The following TBCK variants were observed in gnomAD, a reference collection of about 807,000 sequenced individuals.
TBCK encodes the protein TBC1 domain containing kinase.
A neutral mutation model predicts 113.4 loss-of-function variants in TBCK; 99 were observed. The ratio of observed to expected loss-of-function variants is 0.87; its 90% CI spans 0.74 to 1.03. The LOEUF (loss-of-function observed/expected upper bound fraction) is 1.03, where lower values mean the gene tolerates loss of function less well. Ranked by LOEUF, TBCK falls within the 50% of genes least tolerant of loss-of-function variation. The pLI is 0.00. For synonymous variants in TBCK, 369 were observed against 370.8 expected, an observed-to-expected ratio of 1.00 and a Z score of 0.05; for missense variants, 1,045 against 1,061.3, an observed-to-expected ratio of 0.98 and a Z score of 0.21.
At chr4:106,177,571 T>A (rs1278304659) in intron 22 of TBCK, among the ~76,000 whole-genome samples, 1 of 151,938 alleles carries the variant, frequency 6.6e-6, no homozygotes, top group Admixed American at 6.6e-5. Flanking sequence ...CCCAGCACCA[T>A]TTATTAAAAA....
chr4:106,122,113 T>C (rs1237017684), intron 23 of TBCK, among the ~76,000 whole-genome samples: 2 of 151,552 alleles, frequency 1.3e-5, no homozygotes, highest in Admixed American at 6.6e-5. Context: ...ATCAACAAAA[T>C]TGATAGACCG....
chr4:106,311,200 T>TACACACACACACACAC (rs36011277), intron 1 of TBCK, among the ~76,000 whole-genome samples: 1 of 138,196 alleles, frequency 7.2e-6, no homozygotes, highest in Non-Finnish European at 1.6e-5. Context: ...CAGAAACTCC[T>TACACACACACACACAC]ACACACACAC....
intron 1 of TBCK, among the ~76,000 whole-genome samples, chr4:106,312,052 C>A (rs1768255997): frequency 6.6e-6 from 1 of 151,986 alleles, no homozygotes; most frequent in Non-Finnish European, 1.5e-5. Flanking sequence ...GCACTAGCCA[C>A]AAAAGACAAT....
At position 106,284,487 on chromosome 4, in the gene TBCK, C is replaced by T. The variant is rs1044415140; in HGVS notation, c.266+10607G>A. ...AGTCTGCTTCCCATCAAAGTCTTCA[C>T]GTATAACTTCTGCAATACTAATGGT... On this transcript the variant is annotated intron_variant, in intron 3 of 25. Coordinates refer to ENST00000394708, the MANE Select transcript of TBCK (RefSeq NM_001163435.3). Among the ~76,000 whole-genome samples, 9 of 152,216 alleles carry T rather than the reference C, an allele frequency of 5.9e-5. No individual in the cohort carries two copies. In the South Asian group the frequency reaches 1.4e-3, roughly 24 times the overall value.
At chr4:106,083,598 T>C (rs1739161372) in intron 25 of TBCK, among the ~76,000 whole-genome samples, 1 of 152,108 alleles carries the variant, frequency 6.6e-6, no homozygotes, top group African/African-American at 2.4e-5. Context: ...AGTACTTCAT[T>C]AAACAGGTCC....
At chr4:106,113,317 G>A (rs1437189499) in intron 24 of TBCK, among the ~76,000 whole-genome samples, 1 of 152,114 alleles carries the variant, frequency 6.6e-6, no homozygotes, top group Non-Finnish European at 1.5e-5. Context: ...AAACAAAAAA[G>A]GGGGAATATG....
At chr4:106,171,330 A>T (rs1353210897) in intron 22 of TBCK, 60 bp from the exon 23 acceptor site, 2 of 1,263,420 alleles carry the variant, frequency 1.6e-6, no homozygotes, top group Non-Finnish European at 2.3e-6. Context: ...TTTTAATGTA[A>T]TAAACACCAT....
At chr4:106,234,443 G>T (rs1759225785) in intron 15 of TBCK, among the ~76,000 whole-genome samples, 1 of 151,998 alleles carries the variant, frequency 6.6e-6, no homozygotes, top group South Asian at 2.1e-4. Context: ...AATAGTTGAG[G>T]ATTTCTAAAA....
intron 10 of TBCK, among the ~76,000 whole-genome samples, chr4:106,246,814 T>C (rs1296751625): frequency 6.6e-6 from 1 of 152,102 alleles, no homozygotes; most frequent in African/African-American, 2.4e-5. Flanking sequence ...TATATATATA[T>C]ATTTGTGCGT....
At chr4:106,311,538 T>C (rs114723682) in intron 1 of TBCK, among the ~76,000 whole-genome samples, 5,798 of 152,138 alleles carry the variant, frequency 0.038, 171 homozygotes, top group Non-Finnish European at 0.061. Context: ...TGTAAGAATA[T>C]ATTCAATAAG....
chr4:106,237,981 T>C (rs1054014255), intron 12 of TBCK, among the ~76,000 whole-genome samples: 7 of 152,068 alleles, frequency 4.6e-5, no homozygotes, highest in Non-Finnish European at 7.4e-5. Context: ...AATTATTATA[T>C]GGTTTCCATA....
At chr4:106,226,867 G>C (rs1048587562) in intron 19 of TBCK, among the ~76,000 whole-genome samples, 2 of 152,082 alleles carry the variant, frequency 1.3e-5, no homozygotes, top group Non-Finnish European at 2.9e-5. Context: ...CTATTAGTAA[G>C]AATGGGGCAC....
intron 19 of TBCK, among the ~76,000 whole-genome samples, chr4:106,219,528 T>C (rs548572538): frequency 8.5e-5 from 13 of 152,188 alleles, no homozygotes; most frequent in Non-Finnish European, 1.3e-4. Context: ...TAGAGTTCAG[T>C]TGAAATATGA....
chr4:106,105,993 ACAATCTC>A (rs1274717948), intron 24 of TBCK, among the ~76,000 whole-genome samples: 1 of 152,184 alleles, frequency 6.6e-6, no homozygotes, highest in Non-Finnish European at 1.5e-5. Flanking sequence ...ATTTCACAAT[ACAATCTC>A]CAGTATTAAC....
At chr4:106,216,833 T>G (rs895833918) in intron 19 of TBCK, among the ~76,000 whole-genome samples, 4 of 150,406 alleles carry the variant, frequency 2.7e-5, no homozygotes, top group Non-Finnish European at 5.9e-5. Context: ...TTCCAATCAA[T>G]AGAAAAAGAG....
At chr4:106,195,898 T>C (rs988787978) in intron 20 of TBCK, among the ~76,000 whole-genome samples, 3 of 152,050 alleles carry the variant, frequency 2.0e-5, no homozygotes, top group African/African-American at 7.2e-5. Context: ...TATCTATGTT[T>C]ATATATCTCC....
intron 23 of TBCK, among the ~76,000 whole-genome samples, chr4:106,128,509 C>G (rs560029494): frequency 7.0e-4 from 106 of 152,110 alleles, no homozygotes; most frequent in Non-Finnish European, 9.4e-4. Flanking sequence ...TTCTATACAG[C>G]AGCAGTAGGC....
chr4:106,094,775 C>T (rs1363975374), intron 25 of TBCK, among the ~76,000 whole-genome samples: 1 of 152,122 alleles, frequency 6.6e-6, no homozygotes, highest in African/African-American at 2.4e-5. Context: ...CTGCAGGGAG[C>T]AAGTTACCTC....
At chr4:106,067,732 C>T (rs1736820290) in intron 25 of TBCK, among the ~76,000 whole-genome samples, 1 of 152,136 alleles carries the variant, frequency 6.6e-6, no homozygotes, top group African/African-American at 2.4e-5. Context: ...TTTCCCAGCA[C>T]CATTTGTTGA....
Sources: allele counts gnomAD v4.1 joint callset (sites outside exome capture counted in the v4.1 genomes callset), GRCh38; gene constraint gnomAD v4.1.1; transcripts MANE v1.5; gene names NCBI Gene and HGNC (gene_info 2026-07-23, HGNC 2026-07-21).